LRRC37A2: variants seen among roughly 807,000 people sequenced by gnomAD.
The protein encoded by LRRC37A2 is leucine-rich repeat-containing protein 37A2.
LRRC37A2 carries 9 observed loss-of-function variants against 68.8 expected under a neutral mutation model. The ratio of observed to expected loss-of-function variants is 0.13; its 90% confidence interval spans 0.08 to 0.23. The LOEUF (loss-of-function observed/expected upper bound fraction) is 0.23, where lower values mean the gene tolerates loss of function less well. Among genes scored for constraint, LRRC37A2 ranks in the 10% least tolerant of loss-of-function variants. The pLI, the probability that LRRC37A2 is intolerant of heterozygous loss-of-function variation, is 1.00. For missense variants in LRRC37A2, 168 were observed against 950.4 expected, an observed-to-expected ratio of 0.18 and a Z score of 10.82; for synonymous variants, 63 against 367.6, an observed-to-expected ratio of 0.17 and a Z score of 9.48.
the LRRC37A2 span, among the ~76,000 whole-genome samples, chr17:46,767,989 T>C: frequency 1.3e-5 from 2 of 152,104 alleles, no homozygotes; most frequent in Non-Finnish European, 2.9e-5. Flanking sequence ...GGTTTCACCA[T>C]GTTGGCCAGG....
chr17:47,024,138 C>A, the LRRC37A2 span, among the ~76,000 whole-genome samples: 2 of 152,182 alleles, frequency 1.3e-5, no homozygotes, highest in African/African-American at 4.8e-5. Flanking sequence ...AGGAGGATCA[C>A]TCGAGCCAGG....
chr17:46,943,297 C>G, the LRRC37A2 span, among the ~76,000 whole-genome samples: 4 of 152,326 alleles, frequency 2.6e-5, no homozygotes, highest in Admixed American at 2.6e-4. Flanking sequence ...TGACACCTCT[C>G]TGCTGAGTAA....
chr17:46,987,589 G>C, the LRRC37A2 span, among the ~76,000 whole-genome samples: 1 of 152,170 alleles, frequency 6.6e-6, no homozygotes. Flanking sequence ...TACTGCAATA[G>C]ACAAGGCAAA....
chr17:46,870,908 T>TTTTTTTTTTTTTTTTTC, the LRRC37A2 span, among the ~76,000 whole-genome samples: 1 of 145,276 alleles, frequency 6.9e-6, no homozygotes, highest in African/African-American at 2.5e-5. Context: ...CCTTTGCTTT[T>TTTTTTTTTTTTTTTTTC]TTTTTTTTTT....
the LRRC37A2 span, among the ~76,000 whole-genome samples, chr17:46,871,558 A>C: frequency 6.6e-6 from 1 of 152,272 alleles, no homozygotes; most frequent in South Asian, 2.1e-4. Flanking sequence ...AGCTAGCAGG[A>C]AGGTAGGCCT....
At chr17:46,982,702 G>A in the LRRC37A2 span, among the ~76,000 whole-genome samples, 1 of 152,170 alleles carries the variant, frequency 6.6e-6, no homozygotes, top group Non-Finnish European at 1.5e-5. Flanking sequence ...GAGGTGCTGG[G>A]GAGGGAAAAA....
the LRRC37A2 span, among the ~76,000 whole-genome samples, chr17:47,000,697 A>G: frequency 6.6e-6 from 1 of 152,084 alleles, no homozygotes; most frequent in Non-Finnish European, 1.5e-5. Context: ...TATGACTTGC[A>G]GCATCTGATG....
the LRRC37A2 span, among the ~76,000 whole-genome samples, chr17:46,418,143 T>C: frequency 8.6e-5 from 11 of 128,426 alleles, no homozygotes; most frequent in Non-Finnish European, 1.7e-5. Context: ...TAAGGGGCCA[T>C]TGGTAAATTT....
chr17:47,028,483 A>T, the LRRC37A2 span: 1 of 718,102 alleles, frequency 1.4e-6, no homozygotes. Flanking sequence ...AGATCCATTC[A>T]TTTTTCTCAA....
At chr17:46,756,012 G>A in the LRRC37A2 span, 4 of 575,496 alleles carry the variant, frequency 7.0e-6, no homozygotes, top group East Asian at 2.9e-5. Context: ...TTAGTGTCTC[G>A]TGGAAGGTGT....
the LRRC37A2 span, chr17:46,939,131 C>T: frequency 8.7e-7 from 1 of 1,145,414 alleles, no homozygotes; most frequent in South Asian, 2.0e-5. Flanking sequence ...CGGTTCACAC[C>T]TTGTCACCAT....
the LRRC37A2 span, chr17:46,877,054 T>C: frequency 8.9e-7 from 1 of 1,120,754 alleles, no homozygotes; most frequent in African/African-American, 1.6e-5. Context: ...AGAGGGGCTA[T>C]TCCATCTTGC....
chr17:47,015,748 G>A, the LRRC37A2 span, among the ~76,000 whole-genome samples: 1 of 152,062 alleles, frequency 6.6e-6, no homozygotes, highest in African/African-American at 2.4e-5. Flanking sequence ...AAGTTGCAAA[G>A]TGTTTTGAAA....
At chr17:46,606,121 G>GTGAGCCGAAATCACGCCAT in the LRRC37A2 span, among the ~76,000 whole-genome samples, 1 of 59,504 alleles carries the variant, frequency 1.7e-5, no homozygotes, top group Non-Finnish European at 2.8e-5. Context: ...AGAGGTTGCA[G>GTGAGCCGAAATCACGCCAT]TGAGCCGAAA....
At chr17:46,890,212 A>G in the LRRC37A2 span, among the ~76,000 whole-genome samples, 1 of 152,108 alleles carries the variant, frequency 6.6e-6, no homozygotes. Context: ...GTCAGTTCAG[A>G]TTAGAGCCCA....
chr17:46,771,405 G>A, the LRRC37A2 span, among the ~76,000 whole-genome samples: 1 of 151,420 alleles, frequency 6.6e-6, no homozygotes, highest in Non-Finnish European at 1.5e-5. Context: ...CAGGGCGGGC[G>A]CCCCTCGTTT....
chr17:47,014,742 G>A, the LRRC37A2 span, among the ~76,000 whole-genome samples: 1 of 152,078 alleles, frequency 6.6e-6, no homozygotes, highest in Admixed American at 6.6e-5. Flanking sequence ...CAGGATCCCA[G>A]AGATGTGGGG....
chr17:46,870,008 T>A, the LRRC37A2 span, among the ~76,000 whole-genome samples: 18 of 151,650 alleles, frequency 1.2e-4, no homozygotes, highest in Non-Finnish European at 2.2e-4. Flanking sequence ...AAAAAAAAAA[T>A]GTTATATATC....
chr17:46,834,978 T>TCTTCTC, the LRRC37A2 span, among the ~76,000 whole-genome samples: 14 of 151,866 alleles, frequency 9.2e-5, no homozygotes, highest in African/African-American at 1.5e-4. Context: ...TCTCTCTTCT[T>TCTTCTC]CTTCTCCTTC....
Sources: gnomAD v4.1 joint callset for allele counts (sites outside exome capture counted in the v4.1 genomes callset) on GRCh38, gnomAD v4.1.1 for gene constraint, MANE v1.5 for transcripts, NCBI Gene and HGNC (gene_info 2026-07-23, HGNC 2026-07-21) for gene names.